PTP4A1: variants seen among roughly 807,000 people sequenced by gnomAD.
The protein encoded by PTP4A1 is protein tyrosine phosphatase 4A1.
In PTP4A1, 9 loss-of-function variants were observed where a neutral mutation model predicts 20.5. That is an observed-to-expected ratio of 0.44 (90% CI 0.26 to 0.77). PTP4A1 has a LOEUF of 0.77. Among genes scored for constraint, PTP4A1 ranks in the 30% least tolerant of loss-of-function variants. PTP4A1 has a pLI of 0.19. For synonymous variants in PTP4A1, 78 were observed against 67.4 expected (o/e 1.16, Z -0.77); for missense variants, 137 against 218.8 (o/e 0.63, Z 2.36).
chr6:63,554,874 T>C (rs147372696), intron 3 of PTP4A1, among the ~76,000 whole-genome samples: 27 of 152,342 alleles, frequency 1.8e-4, no homozygotes, highest in African/African-American at 6.0e-4. Context: ...TTTATGTTTG[T>C]ATATCCACCT....
At chr6:63,531,067 T>G (rs1303482651) in intron 2 of PTP4A1, among the ~76,000 whole-genome samples, 1 of 152,220 alleles carries the variant, frequency 6.6e-6, no homozygotes, top group Non-Finnish European at 1.5e-5. Context: ...CTAGAGAACT[T>G]CTATATTGTG....
intron 1 of PTP4A1, among the ~76,000 whole-genome samples, chr6:63,526,803 GTATATATATATATATA>G (rs376671990): frequency 5.4e-4 from 55 of 101,440 alleles, no homozygotes; most frequent in African/African-American, 2.0e-3. Context: ...TCTCAAAAAT[GTATATATATATATATA>G]TATATATATA....
upstream of PTP4A1, among the ~76,000 whole-genome samples, chr6:63,568,912 T>C (rs920475151): frequency 4.6e-5 from 7 of 152,194 alleles, no homozygotes; most frequent in Non-Finnish European, 7.4e-5. Flanking sequence ...TTATGGCCCA[T>C]TGGGGTATTT....
At chr6:63,543,852 C>T (rs1776077217) in intron 2 of PTP4A1, among the ~76,000 whole-genome samples, 1 of 151,974 alleles carries the variant, frequency 6.6e-6, no homozygotes, top group African/African-American at 2.4e-5. Flanking sequence ...GATCCCCAAA[C>T]AAAGTAGATT....
At chr6:63,579,093 A>G in intron 4 of PTP4A1, 65 bp downstream of exon 4, 4 of 1,449,098 alleles carry the variant, frequency 2.8e-6, no homozygotes, top group Non-Finnish European at 3.7e-6. Flanking sequence ...CAGAAACTTG[A>G]AAAATTCTTA....
intron 2 of PTP4A1, among the ~76,000 whole-genome samples, chr6:63,535,369 T>G (rs936953116): frequency 2.0e-4 from 30 of 151,700 alleles, no homozygotes; most frequent in Non-Finnish European, 4.4e-5. Flanking sequence ...CTTGGGTGCC[T>G]GAGGCACGAG....
chr6:63,540,389 G>T (rs1311872014), intron 2 of PTP4A1, among the ~76,000 whole-genome samples: 1 of 152,184 alleles, frequency 6.6e-6, no homozygotes, highest in East Asian at 1.9e-4. Context: ...GGGAGGCTGA[G>T]GCAGGCAGAT....
intron 3 of PTP4A1, among the ~76,000 whole-genome samples, chr6:63,551,140 A>G (rs1184032839): frequency 6.6e-6 from 1 of 152,088 alleles, no homozygotes; most frequent in Non-Finnish European, 1.5e-5. Flanking sequence ...ATCTCTGCTC[A>G]CTGCAACCTC....
In PTP4A1 at chr6:63,579,043, C is replaced by T. The variant is rs749976416; in HGVS notation, c.329+15C>T. The T allele has an allele frequency of 8.4e-6, 13 of 1,553,126 alleles. No homozygotes were observed. Among genetic ancestry groups the T allele is most frequent in the Non-Finnish European group, 8.7e-7 (1 of 1,155,846 alleles). On this transcript the variant is annotated intron_variant, in intron 4 of 5. Coordinates refer to ENST00000626021, the MANE Select transcript of PTP4A1 (RefSeq NM_003463.5). ...GGCCTTGGGAGGTAAATGAATTTAT[C>T]AATTTGATTCTAGGTAAAAATCTAT...
chr6:63,546,607 G>A (rs1183609925), intron 2 of PTP4A1, among the ~76,000 whole-genome samples: 1 of 152,128 alleles, frequency 6.6e-6, no homozygotes, highest in Admixed American at 6.5e-5. Context: ...TTGGGAGGCT[G>A]AGGCAGAATA....
At chr6:63,578,327 A>T in intron 2 of PTP4A1, 110 bp from the exon 3 acceptor site, 1 of 1,246,210 alleles carries the variant, frequency 8.0e-7, no homozygotes, top group South Asian at 2.5e-5. Flanking sequence ...TCTTTAAATG[A>T]TCTTCTGTTA....
upstream of PTP4A1, among the ~76,000 whole-genome samples, chr6:63,569,618 T>C (rs1230321186): frequency 1.3e-5 from 2 of 152,218 alleles, no homozygotes; most frequent in African/African-American, 4.8e-5. Context: ...CTGGCTTTTA[T>C]ATTTTGAATT....
intron 2 of PTP4A1, among the ~76,000 whole-genome samples, chr6:63,547,498 A>ATTTT (rs752223359): frequency 1.1e-5 from 1 of 90,788 alleles, no homozygotes; most frequent in Non-Finnish European, 2.2e-5. Flanking sequence ...CCAGGGGGGA[A>ATTTT]TTTTTTTTTT....
At chr6:63,554,152 A>G (rs2622311) in intron 3 of PTP4A1, among the ~76,000 whole-genome samples, 1,773 of 152,326 alleles carry the variant, frequency 0.012, 28 homozygotes, top group African/African-American at 0.04. Flanking sequence ...GAGGCAATAA[A>G]AAGACTTTAC....
chr6:63,524,912 A>G (rs1287766433), intron 1 of PTP4A1, among the ~76,000 whole-genome samples: 1 of 152,228 alleles, frequency 6.6e-6, no homozygotes, highest in Non-Finnish European at 1.5e-5. Context: ...GATACCTCAG[A>G]GGCATTCTTC....
At chr6:63,542,022 G>GGT (rs72091849) in intron 2 of PTP4A1, among the ~76,000 whole-genome samples, 9,355 of 146,646 alleles carry the variant, frequency 0.064, 549 homozygotes, top group African/African-American at 0.16. Flanking sequence ...AAGAAACTGT[G>GGT]GTGTGTGTGT....
At chr6:63,577,870 C>A (rs1023113558) in intron 2 of PTP4A1, among the ~76,000 whole-genome samples, 2 of 149,216 alleles carry the variant, frequency 1.3e-5, no homozygotes, top group Non-Finnish European at 3.0e-5. Flanking sequence ...CTAATATATA[C>A]TATATAGTGT....
Position 63,576,815 on chromosome 6 carries a change from T to C in PTP4A1, c.-66T>C. 1 of 1,315,162 alleles carries C rather than the reference T, an allele frequency of 7.6e-7. No homozygotes were observed. The highest frequency in any genetic ancestry group is 1.1e-6 in the Non-Finnish European group (1 of 930,774). The allele number at this position is 1,315,162 out of a possible 1,614,324, so 81.5% of individuals were successfully genotyped here. On this transcript the variant is annotated 5_prime_UTR_variant, in exon 2 of 6. Transcript: ENST00000626021. ...TGAAGTAGACTTCAGTTTCTTTGCA[T>C]CATTTCTGTATTCAATTTTTTTAAT...
intron 2 of PTP4A1, among the ~76,000 whole-genome samples, chr6:63,535,473 A>G (rs77234235): frequency 6.7e-6 from 1 of 149,976 alleles, no homozygotes; most frequent in South Asian, 2.1e-4. Context: ...GTCTTAAAAG[A>G]AAAAAAAAAG....
Sources: gnomAD v4.1 joint callset for allele counts (sites outside exome capture counted in the v4.1 genomes callset) on GRCh38, gnomAD v4.1.1 for gene constraint, MANE v1.5 for transcripts, NCBI Gene and HGNC (gene_info 2026-07-23, HGNC 2026-07-21) for gene names.